Variants in MUSK observed in about 807,000 individuals in gnomAD.
The protein encoded by MUSK is muscle, skeletal receptor tyrosine-protein kinase.
In MUSK, 55 loss-of-function variants were observed where a neutral mutation model predicts 88.7. The ratio of observed to expected loss-of-function variants is 0.62; its 90% CI spans 0.50 to 0.78. MUSK has a LOEUF of 0.78. Ranked by LOEUF, MUSK falls within the 30% of genes least tolerant of loss-of-function variation. The probability of loss-of-function intolerance (pLI) is 0.00; values close to 1 mark genes in which losing one functional copy is unlikely to be tolerated. For synonymous variants in MUSK, 387 were observed against 391.9 expected (o/e 0.99, Z 0.15); for missense variants, 1,015 against 1,074.3 (o/e 0.94, Z 0.77).
Position 110,761,772 on chromosome 9 carries a change from C to T in MUSK, c.914-430C>T, listed in dbSNP as rs1230287526. ...TGTATTTTTAGTAGAGATGGGGTTTCACCGTGTTAGCCAGGATGGTCTCGA... is the reference window on the plus strand; with the variant it reads ...TGTATTTTTAGTAGAGATGGGGTTTTACCGTGTTAGCCAGGATGGTCTCGA... On this transcript the variant is annotated intron_variant, in intron 7 of 14. Transcript: ENST00000374448. The T allele has an allele frequency of 1.9e-5, 4 of 215,938 alleles. No homozygotes were observed. In the South Asian group the frequency reaches 4.9e-4, roughly 27 times the overall value. 13.4% of individuals were successfully genotyped at this position (215,938 alleles called of 1,614,324 possible). A position where few individuals can be genotyped will look rare whatever the true frequency, so the allele number is the denominator to read the frequency against.
intron 7 of MUSK, among the ~76,000 whole-genome samples, chr9:110,754,576 C>A (rs1296512011): frequency 6.6e-6 from 1 of 152,214 alleles, no homozygotes; most frequent in African/African-American, 2.4e-5. Flanking sequence ...TTCTCTTTTG[C>A]ATTGGCTTAT....
chr9:110,736,747 A>G (rs975387796), intron 6 of MUSK, among the ~76,000 whole-genome samples: 1 of 152,110 alleles, frequency 6.6e-6, no homozygotes, highest in African/African-American at 2.4e-5. Context: ...ATCAGGAACT[A>G]TTTTGAGGTC....
intron 5 of MUSK, among the ~76,000 whole-genome samples, chr9:110,701,692 T>TC (rs1564230393): frequency 0.016 from 3 of 192 alleles, no homozygotes; most frequent in Non-Finnish European, 0.033. Flanking sequence ...TTACTTTACT[T>TC]TATTTTATTT....
intron 5 of MUSK, chr9:110,728,597 T>C (rs992925598): frequency 1.2e-6 from 1 of 818,786 alleles, no homozygotes; most frequent in South Asian, 1.5e-5. Context: ...ACAACTGATG[T>C]TTCTGTGGTC....
chr9:110,685,877 G>T (rs773545304), intron 2 of MUSK, among the ~76,000 whole-genome samples: 1 of 151,786 alleles, frequency 6.6e-6, no homozygotes, highest in African/African-American at 2.4e-5. Context: ...AATTTTTTTC[G>T]GTTCTAACTA....
intron 6 of MUSK, among the ~76,000 whole-genome samples, chr9:110,739,065 T>C (rs1488188578): frequency 6.6e-6 from 1 of 152,170 alleles, no homozygotes. Flanking sequence ...CTGTCTTCTT[T>C]GTTCCTTCCA....
At chr9:110,771,800 A>G (rs2077578869) in intron 9 of MUSK, among the ~76,000 whole-genome samples, 1 of 152,206 alleles carries the variant, frequency 6.6e-6, no homozygotes, top group East Asian at 1.9e-4. Context: ...CCAGCTTTAG[A>G]CACAAAGGAT....
chr9:110,755,169 A>T (rs568709400), intron 7 of MUSK, among the ~76,000 whole-genome samples: 51 of 152,318 alleles, frequency 3.3e-4, no homozygotes, highest in Non-Finnish European at 5.7e-4. Context: ...GTCACTCCAG[A>T]GTCTGTTAGT....
chr9:110,698,070 G>C (rs2076456861), intron 5 of MUSK, among the ~76,000 whole-genome samples: 3 of 152,120 alleles, frequency 2.0e-5, no homozygotes, highest in African/African-American at 7.2e-5. Flanking sequence ...AATCCAAATA[G>C]GTCTAGGTGT....
At chr9:110,706,662 T>C (rs1167788582) in intron 5 of MUSK, among the ~76,000 whole-genome samples, 1 of 152,168 alleles carries the variant, frequency 6.6e-6, no homozygotes, top group Non-Finnish European at 1.5e-5. Context: ...TTTGAAATTC[T>C]GATTTTATTT....
At chr9:110,734,448 T>A in intron 6 of MUSK, 73 bp downstream of exon 6, 1 of 1,589,728 alleles carries the variant, frequency 6.3e-7, no homozygotes, top group South Asian at 1.1e-5. Context: ...GACCATATAG[T>A]TGTAGTTACC....
chr9:110,742,735 A>G (rs1274977192), intron 6 of MUSK, among the ~76,000 whole-genome samples: 1 of 152,228 alleles, frequency 6.6e-6, no homozygotes, highest in Non-Finnish European at 1.5e-5. Context: ...AAATAGATTT[A>G]TCACCTCAGA....
At chr9:110,700,513 A>G (rs1254517226) in intron 5 of MUSK, among the ~76,000 whole-genome samples, 1 of 152,182 alleles carries the variant, frequency 6.6e-6, no homozygotes, top group Non-Finnish European at 1.5e-5. Flanking sequence ...GGTATTGACA[A>G]ATTTTTTGAT....
chr9:110,737,873 G>A (rs994924289), intron 6 of MUSK, among the ~76,000 whole-genome samples: 17 of 152,088 alleles, frequency 1.1e-4, no homozygotes, highest in African/African-American at 3.9e-4. Context: ...AAGCTCTAGT[G>A]TCCACCATGA....
intron 6 of MUSK, among the ~76,000 whole-genome samples, chr9:110,739,111 G>A (rs991294917): frequency 1.3e-5 from 2 of 152,078 alleles, no homozygotes; most frequent in Non-Finnish European, 2.9e-5. Context: ...TTTTACAGGT[G>A]GGAATTACAT....
rs1395198692 is a variant in MUSK at position 110,687,294 on chromosome 9, T to C, written c.358+26T>C. ...GTGAGTGGGAAACAGATTCGTCTAT[T>C]GATTTGAAAGTTGACTTGGTACACT... On this transcript the variant is annotated intron_variant, in intron 3 of 14. Transcript: ENST00000374448. The C allele has an allele frequency of 1.9e-6, 3 of 1,612,394 alleles. No individual in the cohort carries two copies. In the African/African-American group the frequency reaches 4.0e-5, roughly 22 times the overall value.
intron 9 of MUSK, among the ~76,000 whole-genome samples, chr9:110,769,334 AG>A (rs1334450434): frequency 8.5e-5 from 13 of 152,184 alleles, no homozygotes; most frequent in Non-Finnish European, 1.5e-4. Context: ...GCAAAGTTTG[AG>A]GGTTTGGAGA....
Position 110,768,069 on chromosome 9 carries a change from T to C in MUSK, c.1170T>C (p.Pro390=). ...GCAGTCCTGGAGTAGTGCCTACTCC[T>C]ATTCCCATTTGCAGGTAAAATCTCA... The part of the protein sequence containing the change: ...QECSPGVVPT[P]IPICREYCLA... Residue 390 remains proline (P), a synonymous_variant, in exon 9 of 15, where the codon CCT becomes CCC. Coordinates refer to ENST00000374448, the MANE Select transcript of MUSK (RefSeq NM_005592.4). The C allele has an allele frequency of 6.3e-7, 1 of 1,597,322 alleles. No homozygotes were observed. The highest frequency in any genetic ancestry group is 2.2e-5 in the East Asian group (1 of 44,546).
In MUSK at chr9:110,668,912, A is replaced by T; in HGVS notation, c.8A>T (p.Glu3Val). Residue 3 changes from glutamate to valine, a missense_variant, in exon 1 of 15, where the codon GAG becomes GTG. Physicochemically the swap from Glu to Val is moderately radical, Grantham distance 121. Coordinates refer to ENST00000374448, the MANE Select transcript of MUSK (RefSeq NM_005592.4). ...CGTGAGCCTGGATTAATCATGAGAGAGCTCGTCAACATTCCACTGGTACAT... is the reference window on the plus strand; with the variant it reads ...CGTGAGCCTGGATTAATCATGAGAGTGCTCGTCAACATTCCACTGGTACAT... Reference protein sequence around the residue: MRELVNIPLVHIL... With the variant: MRVLVNIPLVHIL... The T allele has an allele frequency of 6.2e-7, 1 of 1,613,490 alleles. No individual in the cohort carries two copies. The highest frequency in any genetic ancestry group is 8.5e-7 in the Non-Finnish European group (1 of 1,179,462).
Sources: gnomAD v4.1 joint callset for allele counts (sites outside exome capture counted in the v4.1 genomes callset) on GRCh38, gnomAD v4.1.1 for gene constraint, MANE v1.5 for transcripts, NCBI Gene and HGNC (gene_info 2026-07-23, HGNC 2026-07-21) for gene names.